Variants in OGG1 observed in about 807,000 individuals in gnomAD.
OGG1 encodes the protein 8-oxoguanine DNA glycosylase.
OGG1 carries 35 observed loss-of-function variants against 42.3 expected under a neutral mutation model. The ratio of observed to expected loss-of-function variants is 0.83; its 90% CI spans 0.63 to 1.10. The LOEUF (loss-of-function observed/expected upper bound fraction) is 1.10. OGG1 is among the 50% of genes least tolerant of loss of function. OGG1 has a pLI of 0.00. For synonymous variants in OGG1, 189 were observed against 179.0 expected (o/e 1.06, Z -0.44); for missense variants, 484 against 446.7 (o/e 1.08, Z -0.75).
chr3:9,789,250 G>T (rs905371390), downstream of OGG1, among the ~76,000 whole-genome samples: 1 of 152,216 alleles, frequency 6.6e-6, no homozygotes, highest in African/African-American at 2.4e-5. Context: ...AAGCAGAGGG[G>T]ATGGGGATAA....
chr3:9,757,984 C>G (rs996346338), downstream of OGG1: 9 of 1,395,108 alleles, frequency 6.5e-6, no homozygotes, highest in African/African-American at 2.9e-5. The surrounding 1 kb of genome is among the most constrained non-coding windows in gnomAD (Gnocchi z 4.5). Flanking sequence ...CCCCTAAAGC[C>G]CCCCAAAAAC....
At chr3:9,759,272 C>A (rs1442383659), downstream of OGG1, 1 of 1,613,422 alleles carries the variant, frequency 6.2e-7, no homozygotes, top group Non-Finnish European at 8.5e-7. Flanking sequence ...CAGACTTCTT[C>A]CTCTAGACTT....
downstream of OGG1, chr3:9,757,597 C>A: frequency 6.2e-7 from 1 of 1,614,138 alleles, no homozygotes; most frequent in Non-Finnish European, 8.5e-7. The surrounding 1 kb of genome is among the most constrained non-coding windows in gnomAD (Gnocchi z 4.5). Flanking sequence ...GCAGCAGTCT[C>A]GACAGCAACA....
At chr3:9,750,755 G>C (rs1309257084) in intron 1 of OGG1, 190 bp from the exon 2 acceptor site, 1 of 777,110 alleles carries the variant, frequency 1.3e-6, no homozygotes, top group African/African-American at 1.7e-5. Context: ...TGGGACTACA[G>C]GTGTGCGCCA....
chr3:9,763,325 C>T, intron 7 of OGG1: 1 of 1,250,528 alleles, frequency 8.0e-7, no homozygotes, highest in Non-Finnish European at 1.1e-6. Context: ...CCCAGCAGTT[C>T]AAAGCTGCAG....
downstream of OGG1, among the ~76,000 whole-genome samples, chr3:9,790,583 C>G (rs770536124): frequency 6.6e-6 from 1 of 152,196 alleles, no homozygotes; most frequent in Non-Finnish European, 1.5e-5. Context: ...TTGCAGAATA[C>G]AGCATAGCGC....
At chr3:9,753,821 G>A (rs1214899986) in intron 3 of OGG1, among the ~76,000 whole-genome samples, 1 of 152,218 alleles carries the variant, frequency 6.6e-6, no homozygotes, top group Non-Finnish European at 1.5e-5. Flanking sequence ...CAATCATGAG[G>A]CAGTGTAGTG....
In OGG1 at chr3:9,751,799, G is replaced by C; in HGVS notation, c.415G>C (p.Glu139Gln). 6.2e-7 allele frequency: 1 copy of C among 1,614,120 alleles called. No individual in the cohort carries two copies. The change falls in exon 3 of 7, where the codon GAA becomes CAA. Residue 139 changes from glutamate to glutamine, a missense_variant. Coordinates refer to ENST00000344629, the MANE Select transcript of OGG1 (RefSeq NM_002542.6). Reference sequence around the variant, plus strand: ...GCGACTGCTGCGACAAGACCCCATCGAATGCCTTTTCTCTTTTATCTGTTC... The same window carrying C: ...GCGACTGCTGCGACAAGACCCCATCCAATGCCTTTTCTCTTTTATCTGTTC... ...GVRLLRQDPI[E>Q]CLFSFICSSN...
At chr3:9,789,813 G>C (rs755131993), downstream of OGG1, 2 of 1,614,224 alleles carry the variant, frequency 1.2e-6, no homozygotes, top group Non-Finnish European at 8.5e-7. Flanking sequence ...GATTTGGGCC[G>C]TCCTGGGCCA....
At chr3:9,766,165 G>A (rs1353793612) in exon 8 of OGG1, 2 of 921,106 alleles carry the variant, frequency 2.2e-6, no homozygotes, top group African/African-American at 1.6e-5. Context: ...CTGGTAGGAT[G>A]TAAGCCTGGA....
intron 4 of OGG1, 27 bp downstream of exon 4, chr3:9,754,912 C>T (rs779302380): frequency 2.6e-6 from 4 of 1,552,936 alleles, no homozygotes; most frequent in Middle Eastern, 1.8e-4. Flanking sequence ...TAGGAGCTGC[C>T]CTCTCTACTG....
chr3:9,750,505 A>G, intron 1 of OGG1, 82 bp downstream of exon 1: 1 of 1,586,490 alleles, frequency 6.3e-7, no homozygotes. Context: ...GTACAAAGGA[A>G]TTTGGGGGAT....
chr3:9,760,608 G>A (rs1399633187), downstream of OGG1: 1 of 1,600,840 alleles, frequency 6.2e-7, no homozygotes, highest in Non-Finnish European at 8.6e-7. Context: ...GCAGGTGAGG[G>A]AGGAACCAGA....
chr3:9,769,439 A>G (rs951775187), downstream of OGG1, among the ~76,000 whole-genome samples: 42 of 152,108 alleles, frequency 2.8e-4, no homozygotes, highest in African/African-American at 9.9e-4. Context: ...ACCAGCACAC[A>G]AAACACGTGG....
At chr3:9,750,835 A>G (rs996969700) in intron 1 of OGG1, 110 bp from the exon 2 acceptor site, 14 of 1,288,290 alleles carry the variant, frequency 1.1e-5, no homozygotes, top group African/African-American at 2.9e-5. Flanking sequence ...GGAAGATAGC[A>G]CTGTTACTTG....
chr3:9,765,161 A>G (rs1001931268), intron 7 of OGG1, among the ~76,000 whole-genome samples: 3 of 151,060 alleles, frequency 2.0e-5, no homozygotes, highest in Admixed American at 6.6e-5. Flanking sequence ...CAAGAGGCAG[A>G]GGTTGCAGTG....
At chr3:9,771,911 G>A (rs530054191) in intron 2 of OGG1, among the ~76,000 whole-genome samples, 1 of 149,592 alleles carries the variant, frequency 6.7e-6, no homozygotes, top group East Asian at 1.9e-4. Flanking sequence ...CCGCCTCCTG[G>A]GTTCAAGCAA....
At position 9,757,281 on chromosome 3, in the gene OGG1, C is replaced by T; in HGVS notation, c.*131C>T. ...GACTACCTCAAAGGCCAGGCACCCC[C>T]AAATCAAGCAGTCAGTTTGCACAAC... On this transcript the variant is annotated 3_prime_UTR_variant, in exon 7 of 7. Transcript: ENST00000344629. This position sits in a 1 kb window ranked among gnomAD's most constrained non-coding sequence, Gnocchi z 4.5. 2 of 1,614,174 alleles carry T rather than the reference C, an allele frequency of 1.2e-6. No homozygotes were observed. The highest frequency in any genetic ancestry group is 8.5e-7 in the Non-Finnish European group (1 of 1,180,034).
At position 9,784,469 on chromosome 3, in the gene OGG1, GTTATATATTA is replaced by G. The variant is rs1263063225; in HGVS notation, c.382+2878_382+2887del. Among the ~76,000 whole-genome samples the G allele has an allele frequency of 2.6e-5, 4 of 151,966 alleles. No individual in the cohort carries two copies. In the East Asian group the frequency reaches 7.7e-4, roughly 29 times the overall value. ...ACCCAGAGAGAATTACTATTATTTTGTTATATATTATTATATATATTCCAGATTTTGTTAT... is the reference window on the plus strand; with the variant it reads ...ACCCAGAGAGAATTACTATTATTTTGTTATATATATTCCAGATTTTGTTAT... On this transcript the variant is annotated intron_variant, in intron 3 of 3. Coordinates refer to the OGG1 transcript ENST00000426518.
Sources: allele counts gnomAD v4.1 joint callset (sites outside exome capture counted in the v4.1 genomes callset), GRCh38; gene constraint gnomAD v4.1.1; non-coding constraint Gnocchi (gnomAD v3.1); transcripts MANE v1.5; gene names NCBI Gene and HGNC (gene_info 2026-07-23, HGNC 2026-07-21).